Variants in SEPTIN9 observed in about 807,000 individuals in gnomAD.
The protein encoded by SEPTIN9 is septin-9.
In SEPTIN9, 13 loss-of-function variants were observed where a neutral mutation model predicts 56.6. The observed-to-expected ratio is 0.23, with a 90% CI of 0.15 to 0.37. The LOEUF is 0.37. SEPTIN9 is among the 10% of genes least tolerant of loss of function. The pLI, the probability that SEPTIN9 is intolerant of heterozygous loss-of-function variation, is 1.00. For missense variants in SEPTIN9, 650 were observed against 823.1 expected, an observed-to-expected ratio of 0.79 and a Z score of 2.57; for synonymous variants, 332 against 334.1, an observed-to-expected ratio of 0.99 and a Z score of 0.07.
rs1355603932 is a variant in SEPTIN9, at chr17:77,362,950, G to A, written c.77-39109G>A. Among the ~76,000 whole-genome samples, 6 of 152,252 alleles carry A rather than the reference G, an allele frequency of 3.9e-5. No individual in the cohort carries two copies. The East Asian group carries it at 1.2e-3, about 29-fold the overall frequency. ...GGGGCCCACCAGGCAGAGGGAACAG[G>A]ATAGGGCAGGCACAGAGGTCTGGCA... On this transcript the variant is annotated intron_variant, in intron 2 of 11. Coordinates refer to ENST00000427177, the MANE Select transcript of SEPTIN9 (RefSeq NM_001113491.2).
At chr17:77,306,926 A>G (rs1406431838) in intron 1 of SEPTIN9, among the ~76,000 whole-genome samples, 2 of 152,192 alleles carry the variant, frequency 1.3e-5, no homozygotes, top group African/African-American at 2.4e-5. Context: ...GGTTTGGCCC[A>G]GGGCCCCTCC....
At chr17:77,355,595 T>G (rs1041376998) in intron 2 of SEPTIN9, among the ~76,000 whole-genome samples, 4 of 152,012 alleles carry the variant, frequency 2.6e-5, no homozygotes, top group African/African-American at 7.2e-5. Context: ...TCTTGGTGGG[T>G]GGAGACCCTC....
At chr17:77,422,993 A>T (rs1048029713) in intron 3 of SEPTIN9, among the ~76,000 whole-genome samples, 2 of 151,974 alleles carry the variant, frequency 1.3e-5, no homozygotes, top group African/African-American at 4.8e-5. Context: ...AAATGCCAAC[A>T]TCAGGGATCA....
intron 3 of SEPTIN9, among the ~76,000 whole-genome samples, chr17:77,443,534 T>C (rs972403188): frequency 6.6e-6 from 1 of 152,180 alleles, no homozygotes; most frequent in Non-Finnish European, 1.5e-5. Context: ...GACTCACGCC[T>C]ATAATCCCAG....
intron 2 of SEPTIN9, among the ~76,000 whole-genome samples, chr17:77,308,370 G>A (rs925377435): frequency 6.6e-6 from 1 of 152,238 alleles, no homozygotes; most frequent in Non-Finnish European, 1.5e-5. Context: ...AGGACAAGGC[G>A]CCTACGGGGG....
intron 2 of SEPTIN9, among the ~76,000 whole-genome samples, chr17:77,379,398 C>T (rs927225654): frequency 2.0e-5 from 3 of 151,974 alleles, no homozygotes; most frequent in African/African-American, 4.8e-5. Flanking sequence ...GCATGGTGGC[C>T]GTACGTGATG....
At chr17:77,490,453 A>G (rs1568118970) in intron 7 of SEPTIN9, among the ~76,000 whole-genome samples, 2 of 152,166 alleles carry the variant, frequency 1.3e-5, no homozygotes, top group Admixed American at 6.5e-5. Flanking sequence ...CTGTGTGGAC[A>G]TGTAGGGGTG....
At chr17:77,291,146 C>T (rs891521496) in intron 1 of SEPTIN9, among the ~76,000 whole-genome samples, 77 of 150,392 alleles carry the variant, frequency 5.1e-4, no homozygotes, top group African/African-American at 1.8e-3. Flanking sequence ...AGCAATTCTC[C>T]TGCCTCAGCC....
intron 10 of SEPTIN9, among the ~76,000 whole-genome samples, chr17:77,494,879 C>T (rs1019670372): frequency 6.6e-5 from 10 of 152,234 alleles, no homozygotes; most frequent in Admixed American, 3.3e-4. Context: ...CCACCCCTGC[C>T]GGGCCCACCC....
At chr17:77,422,197 A>G (rs367701094) in intron 3 of SEPTIN9, among the ~76,000 whole-genome samples, 1 of 152,158 alleles carries the variant, frequency 6.6e-6, no homozygotes, top group Non-Finnish European at 1.5e-5. Context: ...TCCCAGGTGC[A>G]GGACCCGGGC....
intron 2 of SEPTIN9, among the ~76,000 whole-genome samples, chr17:77,391,818 C>T (rs894171320): frequency 6.6e-6 from 1 of 152,216 alleles, no homozygotes; most frequent in African/African-American, 2.4e-5. Context: ...GGGGCTGGTT[C>T]AGCTGGTGCT....
intron 3 of SEPTIN9, among the ~76,000 whole-genome samples, chr17:77,465,568 A>G (rs1262483735): frequency 7.2e-6 from 1 of 138,490 alleles, no homozygotes; most frequent in Non-Finnish European, 1.5e-5. Flanking sequence ...TCTTGAGTCC[A>G]GGCCTCGCTC....
chr17:77,416,308 G>C (rs2036506137), intron 3 of SEPTIN9, among the ~76,000 whole-genome samples: 1 of 152,158 alleles, frequency 6.6e-6, no homozygotes, highest in Non-Finnish European at 1.5e-5. Flanking sequence ...GGAAGGAGCT[G>C]GTGAGAACGG....
intron 2 of SEPTIN9, among the ~76,000 whole-genome samples, chr17:77,328,614 G>A (rs2033235599): frequency 6.6e-6 from 1 of 152,166 alleles, no homozygotes; most frequent in Non-Finnish European, 1.5e-5. Flanking sequence ...GATCCACCCA[G>A]CTTGGCCTCC....
Position 77,371,905 on chromosome 17 carries a change from C to G in SEPTIN9, c.77-30154C>G, listed in dbSNP as rs1032164458. 6.6e-6 allele frequency among the ~76,000 whole-genome samples: 1 copy of G among 152,170 alleles called. No homozygotes were observed. Among genetic ancestry groups the G allele is most frequent in the African/African-American group, 2.4e-5 (1 of 41,416 alleles). On this transcript the variant is annotated intron_variant, in intron 2 of 11. Coordinates refer to ENST00000427177, the MANE Select transcript of SEPTIN9 (RefSeq NM_001113491.2). The surrounding 1 kb of genome is among the most constrained non-coding windows in gnomAD (Gnocchi z 4.1). ...GACTTGATTTCATCTACTTAAAAAG[C>G]CACCCAAACCTAGAACATTTTCCGC...
intron 3 of SEPTIN9, among the ~76,000 whole-genome samples, chr17:77,412,008 T>A (rs1359109667): frequency 6.6e-6 from 1 of 151,760 alleles, no homozygotes; most frequent in Admixed American, 6.6e-5. Flanking sequence ...CTTGTGCCTG[T>A]AGTCCCAGTT....
intron 2 of SEPTIN9, among the ~76,000 whole-genome samples, chr17:77,368,628 A>G (rs1472344326): frequency 6.6e-6 from 1 of 152,202 alleles, no homozygotes; most frequent in Non-Finnish European, 1.5e-5. Context: ...GGTAAATTTT[A>G]TATTACATAT....
chr17:77,479,257 G>C (rs891400180), intron 3 of SEPTIN9, among the ~76,000 whole-genome samples: 2 of 152,252 alleles, frequency 1.3e-5, no homozygotes, highest in African/African-American at 4.8e-5. Context: ...TGGAGTGGGT[G>C]ATCTTTACCA....
At position 77,445,029 on chromosome 17, in the gene SEPTIN9, C is replaced by T. The variant is rs780945778; in HGVS notation, c.722-37115C>T. Reference sequence around the variant, plus strand: ...AACATGTCACCCAAATGTGCTGAAACAGCCCAGCAGCTGCGCTGCCTCACA... The same window carrying T: ...AACATGTCACCCAAATGTGCTGAAATAGCCCAGCAGCTGCGCTGCCTCACA... On this transcript the variant is annotated intron_variant, in intron 3 of 11. Coordinates refer to ENST00000427177, the MANE Select transcript of SEPTIN9 (RefSeq NM_001113491.2). This position sits in a 1 kb window ranked among gnomAD's most constrained non-coding sequence, Gnocchi z 4.7. The T allele has an allele frequency of 9.6e-5, 36 of 375,408 alleles. No homozygotes were observed. Among genetic ancestry groups the T allele is most frequent in the Non-Finnish European group, 1.9e-4 (34 of 180,290 alleles). The allele number at this position is 375,408 out of a possible 1,614,324, so 23.3% of individuals were successfully genotyped here.
Sources: allele counts gnomAD v4.1 joint callset (sites outside exome capture counted in the v4.1 genomes callset), GRCh38; gene constraint gnomAD v4.1.1; non-coding constraint Gnocchi (gnomAD v3.1); transcripts MANE v1.5; gene names NCBI Gene and HGNC (gene_info 2026-07-23, HGNC 2026-07-21).